The following RAP1B variants were observed in gnomAD, a reference collection of about 807,000 sequenced individuals.
RAP1B encodes ras-related protein Rap-1b.
Under a neutral mutation model 27.5 loss-of-function variants are expected in RAP1B, and 1 was observed. The ratio of observed to expected loss-of-function variants is 0.04; its 90% CI spans 0.01 to 0.17. RAP1B has a LOEUF of 0.17. Ranked by LOEUF, RAP1B falls within the 10% of genes least tolerant of loss-of-function variation. The pLI is 1.00. For missense variants in RAP1B, 84 were observed against 214.8 expected, an observed-to-expected ratio of 0.39 and a Z score of 3.81; for synonymous variants, 75 against 73.1, an observed-to-expected ratio of 1.03 and a Z score of -0.13.
Position 68,618,605 on chromosome 12 carries a change from G to A in RAP1B, c.-27+7562G>A, listed in dbSNP as rs187208855. 1.3e-4 allele frequency among the ~76,000 whole-genome samples: 20 copies of A among 152,202 alleles called. No homozygotes were observed. The East Asian group carries it at 2.7e-3, about 21-fold the overall frequency. ...TTATAATACTGAGACATTCTTTGCC[G>A]TTTTCTTTGTAGTGACATTTGTACC... On this transcript the variant is annotated intron_variant, in intron 1 of 7. Coordinates refer to ENST00000250559, the MANE Select transcript of RAP1B (RefSeq NM_001010942.3).
rs1461103204 is a variant in RAP1B, at chr12:68,668,768, A to C, written c.*9519A>C. Reference sequence around the variant, plus strand: ...AAGAAAAACCAGCAAATGATAGCTTACTTATTCAGTTATTTGGCTTGATAC... The same window carrying C: ...AAGAAAAACCAGCAAATGATAGCTTCCTTATTCAGTTATTTGGCTTGATAC... On this transcript the variant is annotated 3_prime_UTR_variant, in exon 8 of 8. Coordinates refer to ENST00000250559, the MANE Select transcript of RAP1B (RefSeq NM_001010942.3). 6.6e-6 allele frequency: 1 copy of C among 152,198 alleles called. No homozygotes were observed. The highest frequency in any genetic ancestry group is 2.4e-5 in the African/African-American group (1 of 41,442). The allele number at this position is 152,198 out of a possible 1,614,324, so 9.4% of individuals were successfully genotyped here.
intron 1 of RAP1B, among the ~76,000 whole-genome samples, chr12:68,632,155 T>G (rs71452395): frequency 0.034 from 4,587 of 136,570 alleles, 115 homozygotes; most frequent in South Asian, 0.047. Flanking sequence ...TGTTTGTTTT[T>G]TTTTTCCAGA....
chr12:68,632,957 C>T (rs1015576053), intron 1 of RAP1B, among the ~76,000 whole-genome samples: 3 of 152,168 alleles, frequency 2.0e-5, no homozygotes. Flanking sequence ...TAGATGTGAG[C>T]TATCATGCCC....
intron 1 of RAP1B, among the ~76,000 whole-genome samples, chr12:68,625,384 C>T (rs540603755): frequency 4.9e-4 from 74 of 152,272 alleles, no homozygotes; most frequent in African/African-American, 1.6e-3. Context: ...CCAGTGCGTG[C>T]GTAAGCAGGT....
intron 1 of RAP1B, among the ~76,000 whole-genome samples, chr12:68,646,003 A>T (rs1271023079): frequency 1.3e-5 from 2 of 152,226 alleles, no homozygotes; most frequent in Non-Finnish European, 2.9e-5. Flanking sequence ...AATAATATGG[A>T]TGAACCTGAC....
rs574523999 is a variant in RAP1B, at chr12:68,634,811, C to T, written c.-26-13888C>T. ...AATAAAGCTGGAAAAGCTAACCTTA[C>T]GTTGCATGTCAAATTATATGTTGTT... On this transcript the variant is annotated intron_variant, in intron 1 of 7. Coordinates refer to ENST00000250559, the MANE Select transcript of RAP1B (RefSeq NM_001010942.3). Among the ~76,000 whole-genome samples the T allele has an allele frequency of 1.6e-4, 24 of 152,178 alleles. 1 individual carries two copies. In the South Asian group the frequency reaches 4.3e-3, roughly 28 times the overall value.
intron 6 of RAP1B, chr12:68,656,720 T>C (rs567780543): frequency 1.8e-6 from 1 of 542,316 alleles, no homozygotes; most frequent in South Asian, 2.8e-5. Context: ...AGACTTCAGG[T>C]ATATGAAGGA....
At chr12:68,616,146 T>C (rs1038960747) in intron 1 of RAP1B, among the ~76,000 whole-genome samples, 1 of 151,880 alleles carries the variant, frequency 6.6e-6, no homozygotes, top group Admixed American at 6.6e-5. Context: ...TGTGTTTTAG[T>C]AGAGACGGGG....
intron 1 of RAP1B, among the ~76,000 whole-genome samples, chr12:68,628,184 G>A (rs1167697364): frequency 6.6e-6 from 1 of 152,048 alleles, no homozygotes; most frequent in Non-Finnish European, 1.5e-5. Flanking sequence ...CTTGACCTAG[G>A]CCCCACAAAA....
chr12:68,656,374 T>G lies in RAP1B; in HGVS notation c.393T>G (p.Gly131=). The change falls in exon 6 of 8, where the codon GGT becomes GGG. Residue 131 remains glycine (G), a synonymous_variant. Coordinates refer to ENST00000250559, the MANE Select transcript of RAP1B (RefSeq NM_001010942.3). The part of the protein sequence containing the change: ...EDERVVGKEQ[G]QNLARQWNNC... ...AAAGAGTTGTAGGGAAGGAACAAGG[T>G]CAAAATCTAGCAAGACAATGGAACA... 1 of 1,609,388 alleles carries G rather than the reference T, an allele frequency of 6.2e-7. No individual in the cohort carries two copies. The highest frequency in any genetic ancestry group is 8.5e-7 in the Non-Finnish European group (1 of 1,175,884).
intron 5 of RAP1B, among the ~76,000 whole-genome samples, chr12:68,654,915 G>T (rs1191890990): frequency 6.6e-6 from 1 of 152,132 alleles, no homozygotes; most frequent in Non-Finnish European, 1.5e-5. Context: ...AGATTGCTGG[G>T]CTGAGATCTC....
intron 1 of RAP1B, chr12:68,642,567 A>G: frequency 9.2e-7 from 1 of 1,083,846 alleles, no homozygotes; most frequent in African/African-American, 1.5e-5. Context: ...TTCTCGTCTA[A>G]TTTGGTTTCT....
intron 1 of RAP1B, chr12:68,627,004 A>G (rs1460236764): frequency 1.3e-6 from 2 of 1,564,952 alleles, no homozygotes; most frequent in African/African-American, 2.7e-5. Context: ...GTGAAGCCCC[A>G]CTTCTTTGAG....
intron 1 of RAP1B, among the ~76,000 whole-genome samples, chr12:68,617,477 CTT>C (rs1308858907): frequency 2.0e-5 from 3 of 152,166 alleles, no homozygotes; most frequent in South Asian, 2.1e-4. Flanking sequence ...AATTAACAAA[CTT>C]GAGATAGTGT....
intron 7 of RAP1B, 106 bp downstream of exon 7, chr12:68,657,323 A>G: frequency 1.5e-6 from 1 of 680,464 alleles, no homozygotes; most frequent in Non-Finnish European, 2.5e-6. Context: ...TGAAAAATAA[A>G]TGGTTTATTT....
At chr12:68,654,030 G>A (rs538407363) in intron 4 of RAP1B, 82 bp from the exon 5 acceptor site, 1 of 1,152,846 alleles carries the variant, frequency 8.7e-7, no homozygotes, top group South Asian at 1.4e-5. Flanking sequence ...TCTTCATTGA[G>A]CTATAATTAT....
intron 1 of RAP1B, among the ~76,000 whole-genome samples, chr12:68,618,740 A>ATTTTTTTT (rs148714104): frequency 6.6e-5 from 10 of 151,556 alleles, no homozygotes; most frequent in Admixed American, 6.6e-4. Context: ...ATGCACTCAG[A>ATTTTTTTT]TTTTTTTTTA....
intron 1 of RAP1B, among the ~76,000 whole-genome samples, chr12:68,623,084 A>G (rs771653318): frequency 2.0e-5 from 3 of 152,342 alleles, no homozygotes; most frequent in South Asian, 2.1e-4. Flanking sequence ...CTTGAGGACT[A>G]TTTGATCTGA....
chr12:68,614,157 T>A (rs1439052681), intron 1 of RAP1B, among the ~76,000 whole-genome samples: 2 of 152,232 alleles, frequency 1.3e-5, no homozygotes, highest in Non-Finnish European at 2.9e-5. Context: ...AAGCTCACGT[T>A]CAGGTTTTTT....
Sources: gnomAD v4.1 joint callset for allele counts (sites outside exome capture counted in the v4.1 genomes callset) on GRCh38, gnomAD v4.1.1 for gene constraint, MANE v1.5 for transcripts, NCBI Gene and HGNC (gene_info 2026-07-23, HGNC 2026-07-21) for gene names.